NTRK3: variants seen among roughly 807,000 people sequenced by gnomAD.
The protein encoded by NTRK3 is NT-3 growth factor receptor.
A neutral mutation model predicts 91.7 loss-of-function variants in NTRK3; 24 were observed. That is an observed-to-expected ratio of 0.26 (90% CI 0.19 to 0.37). The LOEUF (loss-of-function observed/expected upper bound fraction) is 0.37, where lower values mean the gene tolerates loss of function less well. Ranked by LOEUF, NTRK3 falls within the 10% of genes least tolerant of loss-of-function variation. The pLI is 1.00. For synonymous variants in NTRK3, 483 were observed against 404.0 expected (o/e 1.20, Z -2.34); for missense variants, 880 against 1,068.9 (o/e 0.82, Z 2.46).
intron 14 of NTRK3, among the ~76,000 whole-genome samples, chr15:87,985,085 A>T (rs2074632989): frequency 6.6e-6 from 1 of 152,192 alleles, no homozygotes. Flanking sequence ...CATGGCTAAC[A>T]ATGATAAAGA....
At chr15:88,225,369 TAA>T (rs1309538421) in intron 3 of NTRK3, among the ~76,000 whole-genome samples, 1 of 152,132 alleles carries the variant, frequency 6.6e-6, no homozygotes, top group Non-Finnish European at 1.5e-5. Context: ...ACCCTGATCC[TAA>T]AAGAGACCAG....
intron 13 of NTRK3, among the ~76,000 whole-genome samples, chr15:88,084,249 G>T (rs201792536): frequency 2.0e-5 from 3 of 152,026 alleles, no homozygotes; most frequent in African/African-American, 7.2e-5. Flanking sequence ...ATGTCCCACT[G>T]CCCCCTCACT....
At chr15:88,220,897 G>A (rs531835772) in intron 3 of NTRK3, among the ~76,000 whole-genome samples, 1 of 152,286 alleles carries the variant, frequency 6.6e-6, no homozygotes, top group Admixed American at 6.5e-5. Context: ...CTAAACCCTG[G>A]ATGCCTCTGA....
intron 3 of NTRK3, among the ~76,000 whole-genome samples, chr15:88,239,525 C>G (rs1481247766): frequency 6.6e-6 from 1 of 152,192 alleles, no homozygotes; most frequent in Non-Finnish European, 1.5e-5. Context: ...GTTTTCATCT[C>G]TCAACTACAG....
intron 10 of NTRK3, 47 bp from the exon 11 acceptor site, chr15:88,128,781 A>G (rs773799132): frequency 1.3e-6 from 2 of 1,544,824 alleles, no homozygotes; most frequent in East Asian, 2.2e-5. Flanking sequence ...AATAAAAACC[A>G]GAACAGACAC....
chr15:88,011,695 G>C (rs1327845751), intron 14 of NTRK3, among the ~76,000 whole-genome samples: 2 of 152,152 alleles, frequency 1.3e-5, no homozygotes, highest in African/African-American at 4.8e-5. Context: ...TAGGACACCA[G>C]CTTCTACATG....
intron 5 of NTRK3, among the ~76,000 whole-genome samples, chr15:88,180,681 T>TAA (rs3045935): frequency 0.042 from 4,546 of 107,712 alleles, 165 homozygotes; most frequent in African/African-American, 0.08. Context: ...GCCATTACCC[T>TAA]AAAAAAAAAA....
intron 14 of NTRK3, among the ~76,000 whole-genome samples, chr15:87,991,480 A>G (rs1186317901): frequency 1.3e-5 from 2 of 152,148 alleles, no homozygotes; most frequent in African/African-American, 2.4e-5. Flanking sequence ...GGTGACTTCT[A>G]GCCCTTTATC....
intron 14 of NTRK3, among the ~76,000 whole-genome samples, chr15:88,018,056 G>A (rs1249667026): frequency 2.6e-5 from 4 of 152,292 alleles, no homozygotes; most frequent in African/African-American, 9.6e-5. Flanking sequence ...AGATCCACCA[G>A]CGACAGGATA....
chr15:87,986,788 T>C (rs985809467), intron 14 of NTRK3, among the ~76,000 whole-genome samples: 1 of 152,270 alleles, frequency 6.6e-6, no homozygotes, highest in Non-Finnish European at 1.5e-5. Flanking sequence ...AGAGCAGTAG[T>C]TGGCAAACTT....
At chr15:87,991,204 C>T (rs903839242) in intron 14 of NTRK3, among the ~76,000 whole-genome samples, 1 of 152,114 alleles carries the variant, frequency 6.6e-6, no homozygotes, top group African/African-American at 2.4e-5. Context: ...CTTCACTGGT[C>T]CCTATGCTAG....
At chr15:88,228,816 C>A (rs1456698947) in intron 3 of NTRK3, among the ~76,000 whole-genome samples, 1 of 152,156 alleles carries the variant, frequency 6.6e-6, no homozygotes, top group Non-Finnish European at 1.5e-5. Context: ...GCCCCCTTCA[C>A]CTCACCTTGC....
chr15:87,984,340 G>T (rs2074551762), intron 14 of NTRK3, among the ~76,000 whole-genome samples: 1 of 152,196 alleles, frequency 6.6e-6, no homozygotes, highest in South Asian at 2.1e-4. Flanking sequence ...CCTGTATGGT[G>T]GCCCTTCTAA....
chr15:87,981,308 T>G (rs1470502987), intron 14 of NTRK3: 1 of 1,596,666 alleles, frequency 6.3e-7, no homozygotes, highest in African/African-American at 1.3e-5. Flanking sequence ...CTAGATGATC[T>G]CTATTGTCCT....
chr15:88,217,265 A>G (rs1324042588), intron 3 of NTRK3, among the ~76,000 whole-genome samples: 1 of 152,248 alleles, frequency 6.6e-6, no homozygotes, highest in Non-Finnish European at 1.5e-5. Context: ...ATGCCCAAAA[A>G]GATTAAAGGT....
intron 13 of NTRK3, among the ~76,000 whole-genome samples, chr15:88,087,410 C>T (rs1356988782): frequency 6.6e-6 from 1 of 152,186 alleles, no homozygotes; most frequent in African/African-American, 2.4e-5. Flanking sequence ...CCCCACTGTG[C>T]CCCTCTTGCT....
chr15:87,975,273 T>A (rs1252976000), intron 14 of NTRK3, among the ~76,000 whole-genome samples: 2 of 152,098 alleles, frequency 1.3e-5, no homozygotes, highest in Non-Finnish European at 2.9e-5. Flanking sequence ...TCACCTTGTT[T>A]CTACAAGATC....
chr15:87,871,979 C>A (rs2064836605), exon 19 of NTRK3: 1 of 221,060 alleles, frequency 4.5e-6, no homozygotes, highest in South Asian at 1.8e-4. Context: ...TTGGCCAAAA[C>A]AATTTATTTG....
intron 13 of NTRK3, among the ~76,000 whole-genome samples, chr15:88,118,253 G>A (rs2052323401): frequency 1.3e-5 from 2 of 152,188 alleles, no homozygotes; most frequent in Non-Finnish European, 2.9e-5. Flanking sequence ...CGGGTCTTGG[G>A]TACTGCAGCC....
Sources: gnomAD v4.1 joint callset for allele counts (sites outside exome capture counted in the v4.1 genomes callset) on GRCh38, gnomAD v4.1.1 for gene constraint, MANE v1.5 for transcripts, NCBI Gene and HGNC (gene_info 2026-07-23, HGNC 2026-07-21) for gene names.